The following MTOR variants were observed in gnomAD, a reference collection of about 807,000 sequenced individuals.
MTOR encodes mechanistic target of rapamycin kinase, also known as serine/threonine-protein kinase mTOR.
Under a neutral mutation model 319.8 loss-of-function variants are expected in MTOR, and 70 were observed. That is an observed-to-expected ratio of 0.22 (90% confidence interval 0.18 to 0.27). The LOEUF is 0.27. Ranked by LOEUF, MTOR falls within the 10% of genes least tolerant of loss-of-function variation. The pLI is 1.00. For synonymous variants in MTOR, 1,183 were observed against 1,211.4 expected (o/e 0.98, Z 0.49); for missense variants, 1,890 against 3,274.4 (o/e 0.58, Z 10.32).
At position 11,128,174 on chromosome 1, in the gene MTOR, G is replaced by A. The variant is rs748666356; in HGVS notation, c.5911-48C>T. On this transcript the variant is annotated intron_variant, in intron 42 of 57. Transcript: ENST00000361445. This position sits in a 1 kb window ranked among gnomAD's most constrained non-coding sequence, Gnocchi z 5.3. ...ATCTATAAAGGAAATGTGGGTTGGG[G>A]AAGAGCTGGTATGAATTTTAAGGAG... 1.2e-6 allele frequency: 2 copies of A among 1,608,470 alleles called. No individual in the cohort carries two copies. The highest frequency in any genetic ancestry group is 1.7e-6 in the Non-Finnish European group (2 of 1,177,658).
intron 29 of MTOR, among the ~76,000 whole-genome samples, chr1:11,158,212 C>G (rs766074607): frequency 2.0e-5 from 3 of 152,112 alleles, no homozygotes; most frequent in Non-Finnish European, 4.4e-5. Context: ...TAGTGGCTCT[C>G]TAGGGATTTC....
At chr1:11,195,368 T>C (rs1451666643) in intron 28 of MTOR, 4 of 211,026 alleles carry the variant, frequency 1.9e-5, no homozygotes, top group Non-Finnish European at 3.8e-5. Context: ...TTATCTATTT[T>C]CTCTACGGCT....
At position 11,212,286 on chromosome 1, in the gene MTOR, C is replaced by A; in HGVS notation, c.3561+26G>T. 5.6e-6 allele frequency: 9 copies of A among 1,597,114 alleles called. No individual in the cohort carries two copies. The highest frequency in any genetic ancestry group is 7.7e-6 in the Non-Finnish European group (9 of 1,171,274). On this transcript the variant is annotated intron_variant, in intron 23 of 57. Coordinates refer to ENST00000361445, the MANE Select transcript of MTOR (RefSeq NM_004958.4). This position sits in a 1 kb window ranked among gnomAD's most constrained non-coding sequence, Gnocchi z 4.1. ...TCTTTCCAAATAAGGCAGAAGAGCA[C>A]CTGTCTGTCCAGACTCCCATCTTAC... is the stretch of plus-strand genomic sequence containing the variant.
intron 29 of MTOR, among the ~76,000 whole-genome samples, chr1:11,160,391 C>T (rs1041933990): frequency 1.8e-4 from 28 of 152,140 alleles, no homozygotes; most frequent in African/African-American, 5.5e-4. Flanking sequence ...TGAGCCACTG[C>T]GCCCGGCTGT....
intron 31 of MTOR, 137 bp from the exon 32 acceptor site, chr1:11,146,928 G>A: frequency 1.6e-6 from 1 of 643,378 alleles, no homozygotes; most frequent in Non-Finnish European, 2.8e-6. Context: ...TGAGCCTCAT[G>A]TACCAAAATC....
chr1:11,203,179 C>T (rs1453054941), intron 26 of MTOR, among the ~76,000 whole-genome samples: 2 of 151,902 alleles, frequency 1.3e-5, no homozygotes, highest in African/African-American at 4.8e-5. Context: ...CGCCACTGCA[C>T]TCCAGCCTGG....
chr1:11,139,024 G>A (rs770913590), intron 36 of MTOR: 20 of 369,488 alleles, frequency 5.4e-5, no homozygotes, highest in Non-Finnish European at 9.1e-5. Context: ...CTTAGGGGTA[G>A]AAAGTGTGCC....
chr1:11,193,732 C>T (rs1210690953), intron 28 of MTOR: 2 of 1,614,022 alleles, frequency 1.2e-6, no homozygotes, highest in East Asian at 2.2e-5. Context: ...AACACATCCA[C>T]CGGCTCTCCA....
rs1361739198 is a variant in MTOR, at chr1:11,118,641, C to T, written c.6934-1555G>A. 3.8e-5 allele frequency among the ~76,000 whole-genome samples: 5 copies of T among 130,234 alleles called. No individual in the cohort carries two copies. In the East Asian group the frequency reaches 1.1e-3, roughly 29 times the overall value. 85.4% of individuals were successfully genotyped at this position (130,234 alleles called of 152,430 possible). Reference sequence around the variant, plus strand: ...TTCTTTTTTTTTTTTTTTTTTGAGACAGGGTCTGGCTCTGTCACTCAGGCT... The same window carrying T: ...TTCTTTTTTTTTTTTTTTTTTGAGATAGGGTCTGGCTCTGTCACTCAGGCT... On this transcript the variant is annotated intron_variant, in intron 49 of 57. Transcript: ENST00000361445.
intron 36 of MTOR, among the ~76,000 whole-genome samples, chr1:11,137,838 C>A (rs2100468597): frequency 1.3e-5 from 2 of 152,306 alleles, no homozygotes; most frequent in South Asian, 4.1e-4. Context: ...CAAATACTTT[C>A]CTTTGCCTCA....
chr1:11,170,043 C>T (rs564978721), intron 28 of MTOR, among the ~76,000 whole-genome samples: 2 of 152,296 alleles, frequency 1.3e-5, no homozygotes, highest in African/African-American at 4.8e-5. Flanking sequence ...GTTGGGGAAG[C>T]TATGCGGCTG....
intron 30 of MTOR, among the ~76,000 whole-genome samples, chr1:11,154,094 A>AAAAAAAAAAAAAAAC (rs1644240663): frequency 1.4e-5 from 2 of 145,844 alleles, no homozygotes; most frequent in African/African-American, 2.5e-5. Flanking sequence ...AAAAAAAAAA[A>AAAAAAAAAAAAAAAC]AAAAAAAAAG....
At chr1:11,219,157 T>C (rs981716878) in intron 19 of MTOR, among the ~76,000 whole-genome samples, 17 of 151,476 alleles carry the variant, frequency 1.1e-4, no homozygotes, top group Non-Finnish European at 2.1e-4. Context: ...GAGGTTACAG[T>C]GAGCTGAGAT....
At chr1:11,234,350 A>G in intron 13 of MTOR, 85 bp from the exon 14 acceptor site, 1 of 1,491,542 alleles carries the variant, frequency 6.7e-7, no homozygotes, top group Non-Finnish European at 9.0e-7. Flanking sequence ...GTGGCAGGGA[A>G]CTGGGGGAAA....
intron 30 of MTOR, among the ~76,000 whole-genome samples, chr1:11,155,444 C>T (rs1644287691): frequency 6.6e-6 from 1 of 152,152 alleles, no homozygotes; most frequent in South Asian, 2.1e-4. Context: ...CTCTCCCCTG[C>T]CCTTATGCCC....
chr1:11,258,339 C>T, intron 3 of MTOR, 146 bp downstream of exon 3: 1 of 628,034 alleles, frequency 1.6e-6, no homozygotes, highest in Admixed American at 2.8e-5. Flanking sequence ...TTCCTGTGGC[C>T]CAGGGCTGCT....
In MTOR at chr1:11,204,688, T is replaced by C. The variant is rs1156989868; in HGVS notation, c.3817A>G (p.Arg1273Gly). ...INLQKAWGAA[R>G]RVSKDDWLEW... ...AGCCAGTCATCTTTGGAGACCCTCC[T>C]GGCAGCGCCCCAGGCCTGTGATCCC... The change falls in exon 26 of 58, where the codon AGG becomes GGG. Residue 1273 changes from arginine to glycine, a missense_variant. Physicochemically the swap from Arg to Gly is moderately radical, Grantham distance 125. Around this residue, in one of 15 missense-constraint regions of MTOR, gnomAD observed 49 missense variants for 119.1 expected, o/e 0.41. Coordinates refer to ENST00000361445, the MANE Select transcript of MTOR (RefSeq NM_004958.4). 1 of 1,614,154 alleles carries C rather than the reference T, an allele frequency of 6.2e-7. No individual in the cohort carries two copies. The highest frequency in any genetic ancestry group is 8.5e-7 in the Non-Finnish European group (1 of 1,180,010).
intron 28 of MTOR, chr1:11,194,934 G>T (rs1246339684): frequency 6.2e-7 from 1 of 1,614,132 alleles, no homozygotes; most frequent in East Asian, 2.2e-5. Context: ...TAAGCACCTG[G>T]ATGGCATCAC....
rs1293331944 is a variant in MTOR at position 11,191,982 on chromosome 1, G to A, written c.4253+7276C>T. 2.6e-5 allele frequency among the ~76,000 whole-genome samples: 4 copies of A among 152,158 alleles called. No homozygotes were observed. In the East Asian group the frequency reaches 7.7e-4, roughly 29 times the overall value. On this transcript the variant is annotated intron_variant, in intron 28 of 57. Coordinates refer to ENST00000361445, the MANE Select transcript of MTOR (RefSeq NM_004958.4). ...TAACATTTCTAGAATTCATGGCCCA[G>A]CTATAGCAGAATAATTTATTTCAGA...
Sources: gnomAD v4.1 joint callset for allele counts (sites outside exome capture counted in the v4.1 genomes callset) on GRCh38, gnomAD v4.1.1 for gene constraint, gnomAD v4.1.1 regional missense constraint, Gnocchi (gnomAD v3.1) non-coding constraint, MANE v1.5 for transcripts, NCBI Gene and HGNC (gene_info 2026-07-23, HGNC 2026-07-21) for gene names.